ABCA4: variants seen among roughly 807,000 people sequenced by gnomAD.
ABCA4 encodes the protein ATP binding cassette subfamily A member 4, also known as retinal-specific phospholipid-transporting ATPase ABCA4.
In ABCA4, 196 loss-of-function variants were observed where a neutral mutation model predicts 263.7. The ratio of observed to expected loss-of-function variants is 0.74; its 90% CI spans 0.66 to 0.84. The LOEUF is 0.84. ABCA4 is among the 40% of genes least tolerant of loss of function. The pLI is 0.00. For missense variants in ABCA4, 2,792 were observed against 2,855.1 expected (o/e 0.98, Z 0.50); for synonymous variants, 1,133 against 1,094.2 (o/e 1.04, Z -0.70).
At chr1:94,060,470 G>T in intron 14 of ABCA4, 67 bp downstream of exon 14, 2 of 1,441,946 alleles carry the variant, frequency 1.4e-6, no homozygotes, top group Non-Finnish European at 1.9e-6. Flanking sequence ...CCAGGCACAT[G>T]AACAGGAGGA....
Position 94,048,986 on chromosome 1 carries a change from T to C in ABCA4, c.2654-29A>G, listed in dbSNP as rs757421864. 3 of 1,608,928 alleles carry C rather than the reference T, an allele frequency of 1.9e-6. No homozygotes were observed. In the South Asian group the frequency reaches 3.3e-5, roughly 18 times the overall value. On this transcript the variant is annotated intron_variant, in intron 17 of 49. Transcript: ENST00000370225. The stretch of plus-strand genomic sequence containing the variant: ...CACCAATCAGAAGCCAGTGTTACTC[T>C]ACCACCGGGAGCTGAGAACGAGCAA...
rs1454888484 is a variant in ABCA4, at chr1:94,060,618, A to C, written c.2079T>G (p.Asn693Lys). 7 of 1,614,072 alleles carry C rather than the reference A, an allele frequency of 4.3e-6. No individual in the cohort carries two copies. The highest frequency in any genetic ancestry group is 5.9e-6 in the Non-Finnish European group (7 of 1,180,040). ...GGAACCAGGTACACCAAATCACTGC[A>C]TTGGAGACACCCTGATTTTTCAAGG... The part of the protein sequence containing the change: ...KETLKNQGVS[N>K]AVIWCTWFLD... Residue 693 changes from asparagine to lysine, a missense_variant, in exon 14 of 50, where the codon AAT (asparagine) becomes AAG (lysine). Transcript: ENST00000370225.
intron 3 of ABCA4, 102 bp downstream of exon 3, chr1:94,111,336 A>G (rs1439942879): frequency 5.4e-6 from 8 of 1,488,604 alleles, no homozygotes; most frequent in Admixed American, 3.7e-5. Flanking sequence ...CAAAGCCACA[A>G]GAACACTCAG....
At chr1:94,103,275 G>T in intron 4 of ABCA4, 133 bp from the exon 5 acceptor site, 1 of 1,146,076 alleles carries the variant, frequency 8.7e-7, no homozygotes, top group Non-Finnish European at 1.3e-6. Flanking sequence ...GTCTCTGGGA[G>T]CCCCTAGAGG....
intron 3 of ABCA4, among the ~76,000 whole-genome samples, chr1:94,109,772 G>C (rs1008539818): frequency 1.3e-5 from 2 of 152,220 alleles, no homozygotes; most frequent in Non-Finnish European, 2.9e-5. Context: ...AGAATGTCTA[G>C]TATCCAAATC....
intron 4 of ABCA4, 41 bp downstream of exon 4, chr1:94,108,536 G>A (rs1357050796): frequency 6.2e-7 from 1 of 1,611,968 alleles, no homozygotes; most frequent in South Asian, 1.1e-5. Flanking sequence ...CTCTCCATAG[G>A]TGAGGGAAAT....
chr1:94,044,492 T>A, intron 20 of ABCA4, 121 bp downstream of exon 20: 1 of 1,467,490 alleles, frequency 6.8e-7, no homozygotes, highest in East Asian at 2.3e-5. Context: ...GGAAACCAAA[T>A]AAGAGTCTGT....
At chr1:93,993,966 A>G (rs1459085028) in intron 49 of ABCA4, among the ~76,000 whole-genome samples, 1 of 152,158 alleles carries the variant, frequency 6.6e-6, no homozygotes, top group Non-Finnish European at 1.5e-5. Context: ...CTGATTTAAA[A>G]TCACACATCC....
intron 38 of ABCA4, among the ~76,000 whole-genome samples, chr1:94,013,883 G>T (rs74880643): frequency 1.3e-5 from 2 of 152,344 alleles, no homozygotes; most frequent in Non-Finnish European, 2.9e-5. Context: ...TGTCTCCAGA[G>T]CACACAGGAA....
intron 1 of ABCA4, among the ~76,000 whole-genome samples, chr1:94,116,986 CTTTCTT>C (rs1298382963): frequency 9.0e-6 from 1 of 110,774 alleles, no homozygotes; most frequent in African/African-American, 3.4e-5. Context: ...TTCTTTCTTT[CTTTCTT>C]TCTTTCTTTC....
intron 6 of ABCA4, among the ~76,000 whole-genome samples, chr1:94,091,988 G>T (rs1006402388): frequency 2.0e-5 from 3 of 152,146 alleles, no homozygotes; most frequent in African/African-American, 7.2e-5. Flanking sequence ...AAGTCTTGTT[G>T]GCATAGTATT....
At chr1:94,019,788 G>A (rs1164844733) in intron 35 of ABCA4, 29 bp from the exon 36 acceptor site, 2 of 1,600,400 alleles carry the variant, frequency 1.2e-6, no homozygotes, top group East Asian at 2.2e-5. Flanking sequence ...CACAGGGAGA[G>A]GGCGATGAAG....
intron 7 of ABCA4, among the ~76,000 whole-genome samples, chr1:94,082,538 C>CTA (rs571163693): frequency 6.6e-6 from 1 of 151,994 alleles, no homozygotes; most frequent in Non-Finnish European, 1.5e-5. Context: ...TCTAACTTTC[C>CTA]CACATCAGTG....
rs61752439 is a variant in ABCA4, at chr1:94,021,404, C to G, written c.4854G>C (p.Trp1618Cys). 2.5e-6 allele frequency: 4 copies of G among 1,614,148 alleles called. No homozygotes were observed. In the Admixed American group the frequency reaches 5.0e-5, roughly 20 times the overall value. The change falls in exon 35 of 50, where the codon TGG (tryptophan) becomes TGC (cysteine). Residue 1618 changes from tryptophan to cysteine, a missense_variant. Coordinates refer to ENST00000370225, the MANE Select transcript of ABCA4 (RefSeq NM_000350.3). Reference protein sequence around the residue: ...HLETEDNIKVWFNNKGWHALV... With the variant: ...HLETEDNIKVCFNNKGWHALV... The stretch of plus-strand genomic sequence containing the variant: ...GGGCATGCCAGCCTTTGTTATTAAA[C>G]CACACCTAGAGGGTGGAGAGGACAT...
chr1:94,060,966 T>G (rs1204556998), intron 13 of ABCA4, among the ~76,000 whole-genome samples: 2 of 152,198 alleles, frequency 1.3e-5, no homozygotes, highest in Non-Finnish European at 2.9e-5. Flanking sequence ...TATAGCAGAG[T>G]GCTGGCTTTC....
intron 18 of ABCA4, among the ~76,000 whole-genome samples, chr1:94,048,053 G>A (rs1423447756): frequency 6.6e-6 from 1 of 152,246 alleles, no homozygotes; most frequent in Non-Finnish European, 1.5e-5. Flanking sequence ...TCCACTGTGG[G>A]AGGAGGATCT....
intron 36 of ABCA4, among the ~76,000 whole-genome samples, chr1:94,016,665 T>C (rs1041245932): frequency 6.6e-6 from 1 of 151,708 alleles, no homozygotes; most frequent in Non-Finnish European, 1.5e-5. Context: ...CCCTGTGGAG[T>C]TGGTTTTGGA....
At chr1:94,038,947 G>T (rs1660416999) in intron 24 of ABCA4, among the ~76,000 whole-genome samples, 1 of 152,172 alleles carries the variant, frequency 6.6e-6, no homozygotes, top group African/African-American at 2.4e-5. Context: ...TCTATACAAA[G>T]AAAACCTTTA....
At chr1:94,002,893 T>G (rs59396776) in intron 44 of ABCA4, among the ~76,000 whole-genome samples, 19,379 of 152,124 alleles carry the variant, frequency 0.13, 2,059 homozygotes, top group African/African-American at 0.29. Context: ...TAGAATGTAA[T>G]CTCCATTTTT....
Sources: gnomAD v4.1 joint callset for allele counts (sites outside exome capture counted in the v4.1 genomes callset) on GRCh38, gnomAD v4.1.1 for gene constraint, MANE v1.5 for transcripts, NCBI Gene and HGNC (gene_info 2026-07-23, HGNC 2026-07-21) for gene names.